PLD5: variants seen among roughly 807,000 people sequenced by gnomAD.
PLD5 encodes inactive phospholipase D5.
A neutral mutation model predicts 61.1 loss-of-function variants in PLD5; 36 were observed. That is an observed-to-expected ratio of 0.59 (90% CI 0.45 to 0.78). PLD5 has a LOEUF of 0.78. Among genes scored for constraint, PLD5 ranks in the 30% least tolerant of loss-of-function variants. PLD5 has a pLI of 0.00. For missense variants in PLD5, 515 were observed against 644.4 expected (o/e 0.80, Z 2.17); for synonymous variants, 243 against 242.8 (o/e 1.00, Z -0.01).
chr1:242,153,527 A>G (rs1665107037), intron 5 of PLD5, among the ~76,000 whole-genome samples: 1 of 152,164 alleles, frequency 6.6e-6, no homozygotes, highest in African/African-American at 2.4e-5. Flanking sequence ...TAATATTTGT[A>G]TAAGGTGTAA....
At chr1:242,160,076 G>C (rs1028031240) in intron 5 of PLD5, among the ~76,000 whole-genome samples, 1 of 151,804 alleles carries the variant, frequency 6.6e-6, no homozygotes, top group African/African-American at 2.4e-5. Context: ...CAGTGACACA[G>C]TCATGGTTCA....
At chr1:242,390,923 T>C (rs538640070) in intron 1 of PLD5, among the ~76,000 whole-genome samples, 3 of 152,134 alleles carry the variant, frequency 2.0e-5, no homozygotes, top group African/African-American at 7.2e-5. Flanking sequence ...CCAAGTGCGG[T>C]GGCTCACACC....
intron 5 of PLD5, among the ~76,000 whole-genome samples, chr1:242,197,859 C>T (rs1668737620): frequency 6.6e-6 from 1 of 152,108 alleles, no homozygotes. Context: ...GTCTCGAACT[C>T]CTGACCTCAT....
At chr1:242,475,063 T>C (rs1336299312) in intron 1 of PLD5, among the ~76,000 whole-genome samples, 3 of 152,208 alleles carry the variant, frequency 2.0e-5, no homozygotes, top group Non-Finnish European at 4.4e-5. Flanking sequence ...AAATGCTGCA[T>C]TGAAAGGCTT....
intron 9 of PLD5, among the ~76,000 whole-genome samples, chr1:242,095,373 C>T (rs1020601325): frequency 1.3e-5 from 2 of 152,122 alleles, no homozygotes; most frequent in Non-Finnish European, 2.9e-5. Context: ...GCTGGGAGGA[C>T]AGGCATGTGC....
chr1:242,296,598 C>A (rs1482915434), intron 2 of PLD5, among the ~76,000 whole-genome samples: 3 of 152,172 alleles, frequency 2.0e-5, no homozygotes, highest in Non-Finnish European at 2.9e-5. Context: ...TGCTTTATTT[C>A]AGCTGAGATG....
chr1:242,140,742 AT>A (rs112073263), intron 5 of PLD5, among the ~76,000 whole-genome samples: 58,502 of 149,916 alleles, frequency 0.39, 11,974 homozygotes, highest in African/African-American at 0.52. Flanking sequence ...ACATCGTTAA[AT>A]TTTTTTTTTT....
chr1:242,113,559 T>C (rs530651156), intron 7 of PLD5, among the ~76,000 whole-genome samples: 1 of 152,350 alleles, frequency 6.6e-6, no homozygotes, highest in Non-Finnish European at 1.5e-5. Context: ...AATGATAATT[T>C]TTTTCATATA....
chr1:242,349,658 C>T (rs954912133), intron 1 of PLD5, among the ~76,000 whole-genome samples: 2 of 152,160 alleles, frequency 1.3e-5, no homozygotes, highest in African/African-American at 4.8e-5. Context: ...TGAGCCATCT[C>T]TCTCTCTAGG....
intron 5 of PLD5, among the ~76,000 whole-genome samples, chr1:242,159,477 T>C (rs1322355085): frequency 1.3e-5 from 2 of 152,146 alleles, no homozygotes; most frequent in Admixed American, 1.3e-4. Context: ...TGCTATGAAT[T>C]TGTTATAGAA....
intron 5 of PLD5, among the ~76,000 whole-genome samples, chr1:242,129,758 T>C (rs1448145374): frequency 6.6e-6 from 1 of 152,180 alleles, no homozygotes; most frequent in Non-Finnish European, 1.5e-5. Flanking sequence ...TAGTATACAT[T>C]GTACTCATTA....
intron 2 of PLD5, among the ~76,000 whole-genome samples, chr1:242,314,133 G>A (rs1004671707): frequency 6.6e-6 from 1 of 152,148 alleles, no homozygotes; most frequent in African/African-American, 2.4e-5. Context: ...CACTCAACCA[G>A]ATCCTTACCA....
At chr1:242,187,786 C>G (rs1668000052) in intron 5 of PLD5, among the ~76,000 whole-genome samples, 1 of 152,048 alleles carries the variant, frequency 6.6e-6, no homozygotes, top group African/African-American at 2.4e-5. Flanking sequence ...GGAAAGAATT[C>G]CATGTAAAGA....
chr1:242,515,360 G>A (rs1218480648), intron 1 of PLD5, among the ~76,000 whole-genome samples: 1 of 152,192 alleles, frequency 6.6e-6, no homozygotes, highest in Non-Finnish European at 1.5e-5. Flanking sequence ...TTACAGGCAT[G>A]TGCCACCACA....
At chr1:242,105,588 T>C (rs1184721232) in intron 8 of PLD5, among the ~76,000 whole-genome samples, 3 of 152,100 alleles carry the variant, frequency 2.0e-5, no homozygotes, top group African/African-American at 7.2e-5. Flanking sequence ...GAAGGGCTAG[T>C]TTATAAATGA....
chr1:242,527,159 C>G (rs1260497731), upstream of PLD5, among the ~76,000 whole-genome samples: 1 of 87,104 alleles, frequency 1.1e-5, no homozygotes, highest in Non-Finnish European at 2.2e-5. Flanking sequence ...GAGATGGAGT[C>G]TTGCTCTCTC....
intron 2 of PLD5, among the ~76,000 whole-genome samples, chr1:242,342,943 A>G (rs900778404): frequency 6.6e-6 from 1 of 152,232 alleles, no homozygotes; most frequent in Non-Finnish European, 1.5e-5. Flanking sequence ...GGGAAGAAAT[A>G]AAACAAGACA....
chr1:242,433,403 GGATA>G (rs1163099151), intron 1 of PLD5, among the ~76,000 whole-genome samples: 1 of 152,138 alleles, frequency 6.6e-6, no homozygotes, highest in African/African-American at 2.4e-5. Flanking sequence ...TTTAATCTTA[GGATA>G]GAGAAATAGA....
intron 5 of PLD5, among the ~76,000 whole-genome samples, chr1:242,174,910 G>A (rs1667021630): frequency 6.6e-6 from 1 of 152,154 alleles, no homozygotes; most frequent in African/African-American, 2.4e-5. Context: ...GAGGTGGGGG[G>A]AGGGATAGCA....
Sources: allele counts gnomAD v4.1 joint callset (sites outside exome capture counted in the v4.1 genomes callset), GRCh38; gene constraint gnomAD v4.1.1; transcripts MANE v1.5; gene names NCBI Gene and HGNC (gene_info 2026-07-23, HGNC 2026-07-21).